Variants in TRDN observed in about 807,000 individuals in gnomAD.
The protein encoded by TRDN is triadin.
A neutral mutation model predicts 149.7 loss-of-function variants in TRDN; 161 were observed. The observed-to-expected ratio is 1.08, with a 90% CI of 0.95 to 1.23. TRDN has a LOEUF of 1.23. Among genes scored for constraint, TRDN ranks in the 50% most tolerant of loss-of-function variants. The pLI is 0.00. For synonymous variants in TRDN, 294 were observed against 250.5 expected, an observed-to-expected ratio of 1.17 and a Z score of -1.64; for missense variants, 896 against 823.5, an observed-to-expected ratio of 1.09 and a Z score of -1.08.
Position 123,248,482 on chromosome 6 carries a change from A to T in TRDN, c.1975+3930T>A, listed in dbSNP as rs77450425. On this transcript the variant is annotated intron_variant, in intron 38 of 40. Coordinates refer to ENST00000334268, the MANE Select transcript of TRDN (RefSeq NM_006073.4). ...TGAGGCAGAAGAATTGCTTGAACCC[A>T]GGAGGCAGAAGTTGCACTGAGCTGA... 5.5e-3 allele frequency among the ~76,000 whole-genome samples: 834 copies of T among 152,196 alleles called. 28 individuals are homozygous for T. The South Asian group carries it at 0.077, about 14-fold the overall frequency.
At chr6:123,329,923 T>G (rs1197485529) in intron 23 of TRDN, among the ~76,000 whole-genome samples, 1 of 152,034 alleles carries the variant, frequency 6.6e-6, no homozygotes, top group African/African-American at 2.4e-5. Context: ...AAGAAAATGG[T>G]ACAATGAAGT....
chr6:123,627,010 C>T (rs1253561795), intron 1 of TRDN, among the ~76,000 whole-genome samples: 1 of 151,772 alleles, frequency 6.6e-6, no homozygotes, highest in African/African-American at 2.4e-5. Context: ...CTCACTGCAG[C>T]CTCCACCACC....
intron 38 of TRDN, among the ~76,000 whole-genome samples, chr6:123,240,291 G>A (rs1465497880): frequency 2.0e-5 from 3 of 151,634 alleles, no homozygotes; most frequent in Admixed American, 6.6e-5. Context: ...TAGTAAGAGG[G>A]ATAGGAAATT....
Position 123,516,139 on chromosome 6 carries a change from A to AC in TRDN, c.550+1dup. On this transcript the variant is annotated splice_donor_variant, in intron 6 of 40. Coordinates refer to ENST00000334268, the MANE Select transcript of TRDN (RefSeq NM_006073.4). LOFTEE classifies it high-confidence loss of function. ...TAAACAGTAATAAAAGTAACTTCAT[A>AC]CCTTTCTTTTCAGGTTTTTCTTTTT... The AC allele has an allele frequency of 6.7e-7, 1 of 1,489,184 alleles. No individual in the cohort carries two copies. Among genetic ancestry groups the AC allele is most frequent in the Non-Finnish European group, 9.0e-7 (1 of 1,107,964 alleles). 92.2% of individuals were successfully genotyped at this position (1,489,184 alleles called of 1,614,324 possible).
At chr6:123,355,428 C>T (rs112231123) in intron 20 of TRDN, among the ~76,000 whole-genome samples, 2 of 151,642 alleles carry the variant, frequency 1.3e-5, no homozygotes, top group African/African-American at 4.8e-5. Context: ...TTTAGCAGTA[C>T]AATCCACTGA....
Position 123,269,879 on chromosome 6 carries a change from G to C in TRDN, c.1721-13C>G. 6.2e-7 allele frequency: 1 copy of C among 1,609,842 alleles called. No homozygotes were observed. The highest frequency in any genetic ancestry group is 8.5e-7 in the Non-Finnish European group (1 of 1,177,612). On this transcript the variant is annotated splice_polypyrimidine_tract_variant and intron_variant, in intron 30 of 40. Coordinates refer to ENST00000334268, the MANE Select transcript of TRDN (RefSeq NM_006073.4). The stretch of plus-strand genomic sequence containing the variant: ...GGTTTGGGCTTGGCTGTGGAGAATG[G>C]AGGCAAGCACATGGCATATTGATGA...
chr6:123,456,961 G>A, intron 10 of TRDN: 1 of 402,222 alleles, frequency 2.5e-6, no homozygotes, highest in Non-Finnish European at 5.1e-6. Flanking sequence ...AGGAAAAATT[G>A]GTACTTGTAA....
At chr6:123,297,426 C>T (rs557988566) in intron 24 of TRDN, among the ~76,000 whole-genome samples, 55 of 151,988 alleles carry the variant, frequency 3.6e-4, no homozygotes, top group African/African-American at 1.3e-3. Flanking sequence ...TAATAGAGAA[C>T]CAATAGAGAA....
chr6:123,563,408 A>T (rs1167862018), intron 2 of TRDN, among the ~76,000 whole-genome samples: 2 of 152,240 alleles, frequency 1.3e-5, no homozygotes, highest in African/African-American at 4.8e-5. Context: ...GATGAAAATT[A>T]GGGCATCATA....
At chr6:123,390,377 T>G (rs1182234907) in intron 13 of TRDN, among the ~76,000 whole-genome samples, 1 of 152,220 alleles carries the variant, frequency 6.6e-6, no homozygotes, top group East Asian at 1.9e-4. Context: ...TCTGTACATA[T>G]GCATATAGAG....
chr6:123,222,018 G>A (rs942194740), intron 39 of TRDN, among the ~76,000 whole-genome samples: 4 of 151,692 alleles, frequency 2.6e-5, no homozygotes, highest in Non-Finnish European at 5.9e-5. Flanking sequence ...CTGATTCACT[G>A]ACTATTTATT....
chr6:123,437,919 G>A, intron 12 of TRDN, 144 bp downstream of exon 12: 1 of 662,100 alleles, frequency 1.5e-6, no homozygotes, highest in Non-Finnish European at 2.6e-6. Flanking sequence ...GTTTAACTTT[G>A]TCTAGTGCAA....
At chr6:123,479,661 A>G (rs904532710) in intron 9 of TRDN, among the ~76,000 whole-genome samples, 1 of 152,142 alleles carries the variant, frequency 6.6e-6, no homozygotes, top group East Asian at 1.9e-4. Context: ...CTCTTATACA[A>G]CAGTATCCTG....
Position 123,464,981 on chromosome 6 carries a change from G to T in TRDN, c.856C>A (p.Gln286Lys). The T allele has an allele frequency of 1.3e-6, 2 of 1,588,990 alleles. No homozygotes were observed. Among genetic ancestry groups the T allele is most frequent in the Non-Finnish European group, 8.6e-7 (1 of 1,167,212 alleles). Residue 286 changes from glutamine to lysine, a missense_variant and splice_region_variant, in exon 10 of 41, where the codon CAA (glutamine) becomes AAA (lysine). Physicochemically the swap from Gln to Lys is moderately conservative, Grantham distance 53. Transcript: ENST00000334268. ...IFVHGDLKPGQSPAIPPPLPT... is the reference protein window; with the variant it reads ...IFVHGDLKPGKSPAIPPPLPT... ...AAGGGAGGTGGAATGGCTGGGCTTT[G>T]TCCTACACAATGTAGAAGTAGGAAT...
chr6:123,447,285 A>G (rs1775443108), intron 10 of TRDN, among the ~76,000 whole-genome samples: 1 of 152,212 alleles, frequency 6.6e-6, no homozygotes, highest in Non-Finnish European at 1.5e-5. Context: ...ATGCTTATCT[A>G]GTCTTATGCC....
intron 12 of TRDN, among the ~76,000 whole-genome samples, chr6:123,434,387 T>C (rs905488001): frequency 9.2e-5 from 14 of 152,178 alleles, no homozygotes; most frequent in Admixed American, 2.0e-4. Context: ...GATGAATGAT[T>C]TGGCAAATGA....
At chr6:123,536,720 A>AATAAATAC (rs1780557730) in intron 4 of TRDN, among the ~76,000 whole-genome samples, 2 of 150,478 alleles carry the variant, frequency 1.3e-5, no homozygotes, top group African/African-American at 4.9e-5. Flanking sequence ...TAAATAAATA[A>AATAAATAC]ATAAATAAAT....
At chr6:123,562,165 C>T (rs148867117) in intron 2 of TRDN, among the ~76,000 whole-genome samples, 1,530 of 152,266 alleles carry the variant, frequency 0.01, 7 homozygotes, top group Non-Finnish European at 0.015. Context: ...CCCTGCCCGC[C>T]AGAGAATAAC....
At chr6:123,447,465 G>C (rs1427094410) in intron 10 of TRDN, among the ~76,000 whole-genome samples, 3 of 152,136 alleles carry the variant, frequency 2.0e-5, no homozygotes, top group Non-Finnish European at 4.4e-5. Flanking sequence ...GAGTGGAGTG[G>C]AAAGCTACTC....
Sources: gnomAD v4.1 joint callset for allele counts (sites outside exome capture counted in the v4.1 genomes callset) on GRCh38, gnomAD v4.1.1 for gene constraint, MANE v1.5 for transcripts, NCBI Gene and HGNC (gene_info 2026-07-23, HGNC 2026-07-21) for gene names.